The following GALNT1 variants were observed in gnomAD, a reference collection of about 807,000 sequenced individuals.
The protein encoded by GALNT1 is polypeptide N-acetylgalactosaminyltransferase 1, also known as GalNAc transferase 1.
Under a neutral mutation model 65.7 loss-of-function variants are expected in GALNT1, and 17 were observed. That is an observed-to-expected ratio of 0.26 (90% CI 0.18 to 0.39). GALNT1 has a LOEUF of 0.39. Among genes scored for constraint, GALNT1 ranks in the 10% least tolerant of loss-of-function variants. The pLI is 1.00. For missense variants in GALNT1, 460 were observed against 672.8 expected, an observed-to-expected ratio of 0.68 and a Z score of 3.50; for synonymous variants, 210 against 219.7, an observed-to-expected ratio of 0.96 and a Z score of 0.39.
chr18:35,678,738 T>C lies in GALNT1; in HGVS notation c.481+981T>C, dbSNP rs2047747029. Among the ~76,000 whole-genome samples the C allele has an allele frequency of 2.6e-5, 4 of 152,226 alleles. 1 individual carries two copies. The South Asian group carries it at 8.3e-4, about 32-fold the overall frequency. On this transcript the variant is annotated intron_variant, in intron 4 of 11. Coordinates refer to ENST00000269195, the MANE Select transcript of GALNT1 (RefSeq NM_020474.4). ...CTACCATTTTAACCTCTTTTGCTAG[T>C]ATCTTCAACTTTCTTGCCTATTCTC...
intron 1 of GALNT1, among the ~76,000 whole-genome samples, chr18:35,652,222 A>G (rs1158371019): frequency 6.6e-6 from 1 of 152,176 alleles, no homozygotes; most frequent in African/African-American, 2.4e-5. Context: ...CTTGCGGGGA[A>G]CAGTAATAGA....
At chr18:35,677,838 C>A in intron 4 of GALNT1, 81 bp downstream of exon 4, 2 of 1,013,144 alleles carry the variant, frequency 2.0e-6, no homozygotes, top group Non-Finnish European at 2.7e-6. Flanking sequence ...AATTTTTAAC[C>A]TAATAATTTT....
At chr18:35,622,585 C>G (rs182782747) in intron 1 of GALNT1, among the ~76,000 whole-genome samples, 1 of 152,194 alleles carries the variant, frequency 6.6e-6, no homozygotes, top group Non-Finnish European at 1.5e-5. Context: ...GTACAGAAGA[C>G]GTCAACTGAA....
chr18:35,666,045 G>C (rs1340003673), intron 3 of GALNT1, among the ~76,000 whole-genome samples: 2 of 152,138 alleles, frequency 1.3e-5, no homozygotes, highest in African/African-American at 4.8e-5. Context: ...AATTCCAGAA[G>C]AGACTTCAAA....
At chr18:35,686,265 A>G (rs1414884955) in intron 5 of GALNT1, among the ~76,000 whole-genome samples, 2 of 152,232 alleles carry the variant, frequency 1.3e-5, no homozygotes, top group African/African-American at 4.8e-5. Flanking sequence ...TCATAAGAGT[A>G]TCAATTCTAC....
chr18:35,670,771 A>G (rs1000051557), intron 3 of GALNT1, among the ~76,000 whole-genome samples: 1 of 152,264 alleles, frequency 6.6e-6, no homozygotes, highest in Non-Finnish European at 1.5e-5. Flanking sequence ...CAAGCAGATC[A>G]GTGGAACACA....
chr18:35,680,525 A>G (rs1223521255), intron 4 of GALNT1, among the ~76,000 whole-genome samples: 1 of 152,212 alleles, frequency 6.6e-6, no homozygotes, highest in African/African-American at 2.4e-5. Flanking sequence ...GTCTAGAATT[A>G]TATAATGAAT....
intron 1 of GALNT1, among the ~76,000 whole-genome samples, chr18:35,610,846 A>G (rs1040443079): frequency 6.6e-6 from 1 of 152,214 alleles, no homozygotes; most frequent in African/African-American, 2.4e-5. Context: ...TGTAAATCCC[A>G]TTAGTGTCTG....
intron 1 of GALNT1, among the ~76,000 whole-genome samples, chr18:35,650,160 C>T (rs1030828058): frequency 6.6e-5 from 10 of 152,126 alleles, no homozygotes; most frequent in East Asian, 3.9e-4. Context: ...GAGAAATAAA[C>T]GGAGAGAGTA....
intron 1 of GALNT1, among the ~76,000 whole-genome samples, chr18:35,622,248 T>A (rs1326158870): frequency 1.3e-5 from 2 of 152,086 alleles, no homozygotes; most frequent in African/African-American, 2.4e-5. Flanking sequence ...TTTCTTTTTT[T>A]AATATTATTA....
chr18:35,652,712 T>C (rs1010171138), intron 1 of GALNT1, among the ~76,000 whole-genome samples: 1 of 152,152 alleles, frequency 6.6e-6, no homozygotes. Context: ...TATCTTCCTT[T>C]CTCCCCATAC....
chr18:35,590,053 T>A (rs1279533694), intron 1 of GALNT1, among the ~76,000 whole-genome samples: 1 of 152,204 alleles, frequency 6.6e-6, no homozygotes, highest in Non-Finnish European at 1.5e-5. Flanking sequence ...TGATTCTTTT[T>A]AAAATGATAG....
intron 3 of GALNT1, chr18:35,664,003 C>T: frequency 2.0e-6 from 1 of 502,782 alleles, no homozygotes; most frequent in Non-Finnish European, 3.5e-6. Context: ...GTATTTCAGG[C>T]ATTGGAAGAT....
At chr18:35,594,315 G>A (rs2046479091) in intron 1 of GALNT1, among the ~76,000 whole-genome samples, 1 of 152,164 alleles carries the variant, frequency 6.6e-6, no homozygotes, top group Admixed American at 6.5e-5. Flanking sequence ...ACAAGGGAGT[G>A]TGAGGTAAAA....
At chr18:35,654,014 A>G (rs937337986) in intron 1 of GALNT1, among the ~76,000 whole-genome samples, 1 of 152,232 alleles carries the variant, frequency 6.6e-6, no homozygotes, top group African/African-American at 2.4e-5. Context: ...AGTGCAGGCT[A>G]CAAGGAGAAC....
At position 35,691,020 on chromosome 18, in the gene GALNT1, G is replaced by T. The variant is rs1369205172; in HGVS notation, c.987G>T (p.Gln329His). ...ENLEISFRIW[Q>H]CGGTLEIVTC... is the part of the protein sequence containing the mutation. Reference sequence around the variant, plus strand: ...ATCTCTGCTGTTTTCAGATTTGGCAGTGTGGAGGAACTTTGGAAATTGTTA... The same window carrying T: ...ATCTCTGCTGTTTTCAGATTTGGCATTGTGGAGGAACTTTGGAAATTGTTA... Residue 329 changes from glutamine (Q) to histidine (H), a missense_variant, in exon 8 of 12, where the codon CAG becomes CAT. Coordinates refer to ENST00000269195, the MANE Select transcript of GALNT1 (RefSeq NM_020474.4). The T allele has an allele frequency of 6.3e-7, 1 of 1,598,436 alleles. No individual in the cohort carries two copies.
At chr18:35,680,880 C>T (rs1364227635) in intron 4 of GALNT1, among the ~76,000 whole-genome samples, 2 of 152,032 alleles carry the variant, frequency 1.3e-5, no homozygotes, top group African/African-American at 2.4e-5. Flanking sequence ...AGAATTTGGA[C>T]GAATCCCTAG....
chr18:35,628,026 C>A (rs1598787910), intron 1 of GALNT1, among the ~76,000 whole-genome samples: 1 of 152,150 alleles, frequency 6.6e-6, no homozygotes, highest in Admixed American at 6.5e-5. Context: ...GGGGGAGGGG[C>A]ACCCGCCATT....
chr18:35,651,808 A>G (rs749631029), intron 1 of GALNT1, among the ~76,000 whole-genome samples: 6 of 152,260 alleles, frequency 3.9e-5, no homozygotes, highest in Non-Finnish European at 8.8e-5. Flanking sequence ...AATTGAAGTA[A>G]TAATTATTTA....
Sources: allele counts gnomAD v4.1 joint callset (sites outside exome capture counted in the v4.1 genomes callset), GRCh38; gene constraint gnomAD v4.1.1; transcripts MANE v1.5; gene names NCBI Gene and HGNC (gene_info 2026-07-23, HGNC 2026-07-21).